IL1RAPL2: variants seen among roughly 807,000 people sequenced by gnomAD.
IL1RAPL2 encodes the protein X-linked interleukin-1 receptor accessory protein-like 2.
IL1RAPL2 carries 3 observed loss-of-function variants against 44.1 expected under a neutral mutation model. The ratio of observed to expected loss-of-function variants is 0.07; its 90% CI spans 0.03 to 0.18. The LOEUF (loss-of-function observed/expected upper bound fraction) is 0.18, where lower values mean the gene tolerates loss of function less well. Ranked by LOEUF, IL1RAPL2 falls within the 10% of genes least tolerant of loss-of-function variation. IL1RAPL2 has a pLI of 1.00. For missense variants in IL1RAPL2, 391 were observed against 496.4 expected (o/e 0.79, Z 2.02); for synonymous variants, 181 against 178.8 (o/e 1.01, Z -0.10).
intron 5 of IL1RAPL2, among the ~76,000 whole-genome samples, chrX:105,479,511 G>A (rs938370515): frequency 1.9e-4 from 21 of 110,189 alleles, no homozygotes; most frequent in Admixed American, 7.8e-4. Context: ...AGGCCGAGGC[G>A]GGTGGATTAC....
At chrX:105,082,822 G>T (rs755576401) in intron 2 of IL1RAPL2, among the ~76,000 whole-genome samples, 57 of 111,844 alleles carry the variant, frequency 5.1e-4, no homozygotes, top group African/African-American at 1.9e-3. Flanking sequence ...ACCAAAGGTA[G>T]ATAAATCCAC....
chrX:105,618,184 A>T (rs781142822), intron 6 of IL1RAPL2, among the ~76,000 whole-genome samples: 2 of 108,854 alleles, frequency 1.8e-5, no homozygotes, highest in African/African-American at 6.7e-5. Flanking sequence ...AGGCAGAAAG[A>T]ACAAGCAGAG....
intron 2 of IL1RAPL2, among the ~76,000 whole-genome samples, chrX:105,178,041 T>C (rs1338530405): frequency 8.9e-6 from 1 of 112,031 alleles, no homozygotes; most frequent in African/African-American, 3.2e-5. Flanking sequence ...TTTTTAGCTA[T>C]AGTCACCTTA....
In IL1RAPL2 at chrX:105,704,326, T is replaced by C. The variant is rs1602530660; in HGVS notation, c.773-13041T>C. Among the ~76,000 whole-genome samples the C allele has an allele frequency of 3.6e-5, 4 of 111,230 alleles. No homozygotes were observed. In the South Asian group the frequency reaches 1.5e-3, roughly 42 times the overall value. On this transcript the variant is annotated intron_variant, in intron 6 of 10. Transcript: ENST00000372582. The stretch of plus-strand genomic sequence containing the variant: ...GCTAAAATATTTGAGTAAGAAAAAA[T>C]ACAAGCTAAACAATTATCCATCAAC...
At chrX:104,987,510 C>A (rs1469254085) in intron 2 of IL1RAPL2, among the ~76,000 whole-genome samples, 3 of 110,234 alleles carry the variant, frequency 2.7e-5, no homozygotes, top group Non-Finnish European at 5.7e-5. Flanking sequence ...ATGTTACTCT[C>A]AACTACGGAA....
chrX:104,802,791 C>T (rs1256280700), intron 2 of IL1RAPL2, among the ~76,000 whole-genome samples: 1 of 111,450 alleles, frequency 9.0e-6, no homozygotes, highest in Non-Finnish European at 1.9e-5. Context: ...AAAAGTTTGA[C>T]TTTACAGTCA....
chrX:104,672,270 C>T (rs1380191075), intron 2 of IL1RAPL2, among the ~76,000 whole-genome samples: 10 of 110,660 alleles, frequency 9.0e-5, no homozygotes, highest in Non-Finnish European at 1.7e-4. Context: ...TAACAGTCCC[C>T]AGAGTGTGAT....
chrX:105,106,470 A>T (rs763837239), intron 2 of IL1RAPL2, among the ~76,000 whole-genome samples: 1 of 111,154 alleles, frequency 9.0e-6, no homozygotes, highest in Non-Finnish European at 1.9e-5. Flanking sequence ...TATATATGAT[A>T]TTATGTATTC....
At chrX:104,755,184 G>T (rs1316819338) in intron 2 of IL1RAPL2, among the ~76,000 whole-genome samples, 1 of 110,923 alleles carries the variant, frequency 9.0e-6, no homozygotes, top group Non-Finnish European at 1.9e-5. Flanking sequence ...GCAATATTCT[G>T]GGCAGAGAGT....
chrX:105,001,311 C>G (rs1255266991), intron 2 of IL1RAPL2, among the ~76,000 whole-genome samples: 2 of 111,315 alleles, frequency 1.8e-5, no homozygotes, highest in Non-Finnish European at 3.8e-5. Context: ...ATGATTTGCA[C>G]AGAATACCTG....
intron 10 of IL1RAPL2, among the ~76,000 whole-genome samples, chrX:105,766,234 C>A (rs2038728315): frequency 8.9e-6 from 1 of 111,909 alleles, no homozygotes; most frequent in East Asian, 2.8e-4. Flanking sequence ...CACCATCCCC[C>A]ACCTCCGACT....
At chrX:105,750,604 C>T (rs1009782942) in intron 9 of IL1RAPL2, among the ~76,000 whole-genome samples, 10 of 108,719 alleles carry the variant, frequency 9.2e-5, no homozygotes, top group African/African-American at 3.0e-4. Context: ...CTGCACCTGG[C>T]GTGAAATGCT....
At chrX:104,905,286 G>A (rs1602801249) in intron 2 of IL1RAPL2, among the ~76,000 whole-genome samples, 1 of 111,519 alleles carries the variant, frequency 9.0e-6, no homozygotes, top group South Asian at 3.8e-4. Context: ...TTCTTTTGCT[G>A]TGCAGAAGCT....
intron 2 of IL1RAPL2, among the ~76,000 whole-genome samples, chrX:104,986,299 G>C (rs1027557716): frequency 1.8e-5 from 2 of 111,796 alleles, no homozygotes; most frequent in Non-Finnish European, 3.8e-5. Context: ...CATGTTAAAG[G>C]CTTCTTTGGA....
chrX:104,816,790 A>G (rs1921149518), intron 2 of IL1RAPL2, among the ~76,000 whole-genome samples: 1 of 111,828 alleles, frequency 8.9e-6, no homozygotes, highest in Non-Finnish European at 1.9e-5. Flanking sequence ...CTAAACAGTT[A>G]CTTAACCTTT....
chrX:104,908,181 T>G (rs867245309), intron 2 of IL1RAPL2, among the ~76,000 whole-genome samples: 18 of 111,829 alleles, frequency 1.6e-4, no homozygotes, highest in Middle Eastern at 9.3e-3. Context: ...TCCTTTTATT[T>G]TGAGCCTATG....
intron 1 of IL1RAPL2, among the ~76,000 whole-genome samples, chrX:104,590,755 G>A (rs756555409): frequency 9.0e-6 from 1 of 111,500 alleles, no homozygotes; most frequent in Non-Finnish European, 1.9e-5. Flanking sequence ...TTTTGGCCTC[G>A]GTTTTCTGAC....
At chrX:105,331,243 T>C (rs1284441455) in intron 5 of IL1RAPL2, among the ~76,000 whole-genome samples, 1 of 111,572 alleles carries the variant, frequency 9.0e-6, no homozygotes, top group African/African-American at 3.3e-5. Context: ...TAGAATACTC[T>C]TTATTTTTGT....
intron 4 of IL1RAPL2, among the ~76,000 whole-genome samples, 191 bp downstream of exon 4, chrX:105,234,195 A>G (rs953335845): frequency 8.9e-6 from 1 of 112,178 alleles, no homozygotes. Context: ...TGTTAGAAGC[A>G]ATACGCCTTT....
Sources: gnomAD v4.1 joint callset for allele counts (sites outside exome capture counted in the v4.1 genomes callset) on GRCh38, gnomAD v4.1.1 for gene constraint, MANE v1.5 for transcripts, NCBI Gene and HGNC (gene_info 2026-07-23, HGNC 2026-07-21) for gene names.